ARK2C: variants seen among roughly 807,000 people sequenced by gnomAD.
ARK2C encodes the protein E3 ubiquitin-protein ligase ARK2C.
At chr18:46,356,890 G>T in the ARK2C span, among the ~76,000 whole-genome samples, 5 of 152,188 alleles carry the variant, frequency 3.3e-5, no homozygotes, top group Non-Finnish European at 5.9e-5. Context: ...AGGTTAAAAG[G>T]CTTCCTCTGG....
At chr18:46,388,570 T>A in the ARK2C span, among the ~76,000 whole-genome samples, 6,149 of 152,036 alleles carry the variant, frequency 0.04, 128 homozygotes, top group Middle Eastern at 0.055. Context: ...GCACACGGGG[T>A]TGGCACTGAA....
At chr18:46,388,271 A>G in the ARK2C span, among the ~76,000 whole-genome samples, 1 of 149,808 alleles carries the variant, frequency 6.7e-6, no homozygotes, top group East Asian at 1.9e-4. Context: ...CCACTCATAC[A>G]GTATGCAAAA....
At chr18:46,349,468 T>C in the ARK2C span, among the ~76,000 whole-genome samples, 1 of 152,180 alleles carries the variant, frequency 6.6e-6, no homozygotes, top group Non-Finnish European at 1.5e-5. Flanking sequence ...ACCATCATCT[T>C]GGGGGTTAAG....
the ARK2C span, among the ~76,000 whole-genome samples, chr18:46,434,456 T>C: frequency 6.6e-6 from 1 of 152,238 alleles, no homozygotes; most frequent in African/African-American, 2.4e-5. Flanking sequence ...ATCTCTTTAA[T>C]GCGTGGCTTA....
At chr18:46,401,797 A>G in the ARK2C span, among the ~76,000 whole-genome samples, 5 of 152,174 alleles carry the variant, frequency 3.3e-5, no homozygotes, top group South Asian at 2.1e-4. Context: ...ATCTCCTTCT[A>G]TGGTTTCCAA....
the ARK2C span, chr18:46,456,146 C>T: frequency 1.0e-6 from 1 of 977,518 alleles, no homozygotes; most frequent in South Asian, 1.4e-5. Flanking sequence ...ATCACTGCAC[C>T]GTGTGTCTGG....
the ARK2C span, among the ~76,000 whole-genome samples, chr18:46,364,108 C>G: frequency 6.6e-6 from 1 of 151,364 alleles, no homozygotes; most frequent in African/African-American, 2.4e-5. Flanking sequence ...CCACCATGTC[C>G]GGCTAATTTT....
chr18:46,372,322 T>C, the ARK2C span, among the ~76,000 whole-genome samples: 3 of 152,206 alleles, frequency 2.0e-5, no homozygotes, highest in Non-Finnish European at 2.9e-5. Flanking sequence ...CTGTGCATCC[T>C]GAGGCAAGTC....
At chr18:46,371,079 C>T in the ARK2C span, among the ~76,000 whole-genome samples, 1 of 152,196 alleles carries the variant, frequency 6.6e-6, no homozygotes, top group Admixed American at 6.5e-5. Context: ...GCACGTCTTA[C>T]ATGGTGGCAG....
At chr18:46,360,756 G>A in the ARK2C span, among the ~76,000 whole-genome samples, 2,399 of 152,178 alleles carry the variant, frequency 0.016, 29 homozygotes, top group African/African-American at 0.041. Flanking sequence ...CCTCTAATAC[G>A]CCTGGGCACA....
the ARK2C span, among the ~76,000 whole-genome samples, chr18:46,363,170 A>G: frequency 6.6e-6 from 1 of 152,244 alleles, no homozygotes; most frequent in Non-Finnish European, 1.5e-5. Flanking sequence ...AAAACAGTCT[A>G]AATCACTGGA....
the ARK2C span, among the ~76,000 whole-genome samples, chr18:46,438,746 G>A: frequency 1.3e-5 from 2 of 152,196 alleles, no homozygotes; most frequent in African/African-American, 2.4e-5. Flanking sequence ...GCATCCAACT[G>A]GCTCCAAGAG....
chr18:46,406,721 G>T, the ARK2C span, among the ~76,000 whole-genome samples: 3 of 152,246 alleles, frequency 2.0e-5, no homozygotes, highest in Non-Finnish European at 2.9e-5. Flanking sequence ...TGGGCACAGG[G>T]CCAGCCACCG....
chr18:46,392,294 G>GC, the ARK2C span, among the ~76,000 whole-genome samples: 4 of 152,284 alleles, frequency 2.6e-5, no homozygotes, highest in East Asian at 5.8e-4. Context: ...ACACCTGGAT[G>GC]CCCCCCGCTC....
chr18:46,356,960 T>C, the ARK2C span, among the ~76,000 whole-genome samples: 1 of 152,146 alleles, frequency 6.6e-6, no homozygotes, highest in Non-Finnish European at 1.5e-5. Context: ...AATGCTGAGT[T>C]CAGGTGGGGG....
chr18:46,450,853 G>A, the ARK2C span: 2 of 1,340,764 alleles, frequency 1.5e-6, no homozygotes, highest in Non-Finnish European at 2.1e-6. Flanking sequence ...CAGGGGGGTT[G>A]TCTAATTGAC....
the ARK2C span, chr18:46,337,266 A>G: frequency 2.8e-5 from 28 of 985,354 alleles, no homozygotes; most frequent in South Asian, 4.7e-5. Flanking sequence ...ATGGTTTTCC[A>G]TTAAACAGGG....
the ARK2C span, among the ~76,000 whole-genome samples, chr18:46,350,229 A>G: frequency 5.9e-5 from 9 of 152,322 alleles, no homozygotes; most frequent in East Asian, 1.5e-3. Context: ...TCAACAGGAG[A>G]TGCAGGCCTT....
the ARK2C span, among the ~76,000 whole-genome samples, chr18:46,406,381 G>A: frequency 6.6e-6 from 1 of 152,224 alleles, no homozygotes; most frequent in Admixed American, 6.5e-5. Flanking sequence ...TGTGGGTGCT[G>A]GCCGGGGCTG....
Sources: gnomAD v4.1 joint callset for allele counts (sites outside exome capture counted in the v4.1 genomes callset) on GRCh38, gnomAD v4.1.1 for gene constraint, MANE v1.5 for transcripts, NCBI Gene and HGNC (gene_info 2026-07-23, HGNC 2026-07-21) for gene names.